The following TRAPPC9 variants were observed in gnomAD, a reference collection of about 807,000 sequenced individuals.
TRAPPC9 encodes trafficking protein particle complex subunit 9.
A neutral mutation model predicts 124.0 loss-of-function variants in TRAPPC9; 83 were observed. The ratio of observed to expected loss-of-function variants is 0.67; its 90% confidence interval spans 0.56 to 0.80. TRAPPC9 has a LOEUF of 0.80. TRAPPC9 is among the 30% of genes least tolerant of loss of function. The probability of loss-of-function intolerance (pLI) is 0.00; values close to 1 mark genes in which losing one functional copy is unlikely to be tolerated. For missense variants in TRAPPC9, 1,302 were observed against 1,508.3 expected (o/e 0.86, Z 2.27); for synonymous variants, 638 against 617.5 (o/e 1.03, Z -0.49).
intron 16 of TRAPPC9, among the ~76,000 whole-genome samples, chr8:140,233,223 G>C (rs77539442): frequency 7.6e-6 from 1 of 131,422 alleles, no homozygotes; most frequent in Admixed American, 7.7e-5. Context: ...TTTTTTTTTT[G>C]AGACGGAGTC....
At chr8:140,344,069 G>C (rs1422903042) in intron 9 of TRAPPC9, among the ~76,000 whole-genome samples, 1 of 152,126 alleles carries the variant, frequency 6.6e-6, no homozygotes, top group Non-Finnish European at 1.5e-5. Context: ...CAAGGTGATG[G>C]GATTAAGAGA....
chr8:140,387,095 G>A (rs1563990392), intron 7 of TRAPPC9, among the ~76,000 whole-genome samples: 1 of 152,132 alleles, frequency 6.6e-6, no homozygotes, highest in Non-Finnish European at 1.5e-5. Flanking sequence ...AAATGGTGCT[G>A]GGAAAACTGG....
chr8:140,301,716 T>C (rs1054945121), intron 10 of TRAPPC9, among the ~76,000 whole-genome samples: 1 of 152,120 alleles, frequency 6.6e-6, no homozygotes, highest in Non-Finnish European at 1.5e-5. Flanking sequence ...CGCAGGAAGG[T>C]GAGGCCACCT....
At chr8:139,834,429 G>A (rs557300108) in intron 21 of TRAPPC9, among the ~76,000 whole-genome samples, 12 of 152,220 alleles carry the variant, frequency 7.9e-5, no homozygotes, top group Non-Finnish European at 1.8e-4. Flanking sequence ...TTCACCACGT[G>A]ACATGCACAA....
intron 7 of TRAPPC9, among the ~76,000 whole-genome samples, chr8:140,390,018 T>C (rs1421717429): frequency 6.6e-6 from 1 of 152,094 alleles, no homozygotes; most frequent in Non-Finnish European, 1.5e-5. Flanking sequence ...ACGATAAAGA[T>C]GAAGGCCAGG....
intron 19 of TRAPPC9, among the ~76,000 whole-genome samples, chr8:139,978,300 T>C (rs1464631732): frequency 1.3e-5 from 2 of 152,198 alleles, no homozygotes; most frequent in Non-Finnish European, 2.9e-5. Flanking sequence ...ACATTAAACA[T>C]GGATTGAGAC....
chr8:139,905,086 G>A (rs1831265414), intron 20 of TRAPPC9, among the ~76,000 whole-genome samples: 1 of 152,212 alleles, frequency 6.6e-6, no homozygotes, highest in African/African-American at 2.4e-5. Flanking sequence ...ACCAAAGGTA[G>A]GTAGGTTTTA....
chr8:139,943,590 T>C (rs1413197497), intron 19 of TRAPPC9, among the ~76,000 whole-genome samples: 1 of 152,198 alleles, frequency 6.6e-6, no homozygotes, highest in Non-Finnish European at 1.5e-5. Flanking sequence ...TTTGAGAGAA[T>C]ACAGACGTTG....
At chr8:140,332,202 G>A (rs892317725) in intron 9 of TRAPPC9, among the ~76,000 whole-genome samples, 6 of 152,092 alleles carry the variant, frequency 3.9e-5, no homozygotes, top group Non-Finnish European at 5.9e-5. Context: ...TGTCCTAAAG[G>A]GCATTATGTT....
chr8:140,386,353 T>C (rs1468441282), intron 7 of TRAPPC9, among the ~76,000 whole-genome samples: 1 of 152,152 alleles, frequency 6.6e-6, no homozygotes, highest in African/African-American at 2.4e-5. Context: ...GGGTATTTAA[T>C]TAGGAAAAGA....
chr8:140,049,681 C>G (rs1287553685), intron 17 of TRAPPC9, among the ~76,000 whole-genome samples: 1 of 152,150 alleles, frequency 6.6e-6, no homozygotes, highest in Non-Finnish European at 1.5e-5. Context: ...GACCCCCTGT[C>G]CAAACACCAA....
At chr8:139,931,875 T>C (rs1316744505) in intron 19 of TRAPPC9, 1 of 173,330 alleles carries the variant, frequency 5.8e-6, no homozygotes, top group Non-Finnish European at 1.2e-5. Context: ...CTCTGATTTA[T>C]TGCTCTATAG....
intron 19 of TRAPPC9, among the ~76,000 whole-genome samples, chr8:139,949,147 A>G (rs180794482): frequency 2.0e-4 from 30 of 152,304 alleles, no homozygotes; most frequent in African/African-American, 7.2e-4. Flanking sequence ...CACAGGAGAA[A>G]AAAAACCAAA....
rs148742331 is a variant in TRAPPC9 at position 139,932,172 on chromosome 8, C to T, written c.2811-21872G>A. The T allele has an allele frequency of 1.6e-3, 636 of 390,348 alleles. 4 individuals are homozygous for T. Among genetic ancestry groups the T allele is most frequent in the African/African-American group, 0.012 (559 of 48,412 alleles). 24.2% of individuals were successfully genotyped at this position (390,348 alleles called of 1,614,324 possible). A position where few individuals can be genotyped will look rare whatever the true frequency, so the allele number is the denominator to read the frequency against. On this transcript the variant is annotated intron_variant, in intron 19 of 22. Coordinates refer to ENST00000438773, the MANE Select transcript of TRAPPC9 (RefSeq NM_001160372.4). ...TTGGTGCTCAGAAGCATTGACCTTA[C>T]AGGGAGGAACAAGGAGAAACCAGCC...
intron 11 of TRAPPC9, among the ~76,000 whole-genome samples, chr8:140,294,257 G>C (rs2065743721): frequency 6.6e-6 from 1 of 152,008 alleles, no homozygotes; most frequent in African/African-American, 2.4e-5. Flanking sequence ...CCTTCAATGG[G>C]AGGGAGCTCA....
intron 17 of TRAPPC9, among the ~76,000 whole-genome samples, chr8:140,183,056 T>C (rs1327952060): frequency 6.6e-6 from 1 of 152,124 alleles, no homozygotes; most frequent in Non-Finnish European, 1.5e-5. Context: ...CTTGAATTTG[T>C]CATATTCTTC....
At chr8:139,832,487 G>A (rs1826058615) in intron 21 of TRAPPC9, among the ~76,000 whole-genome samples, 1 of 152,322 alleles carries the variant, frequency 6.6e-6, no homozygotes, top group African/African-American at 2.4e-5. Flanking sequence ...GGGGGTGGGA[G>A]ACCAGTGGGC....
chr8:139,805,882 G>GT (rs1287308203), intron 21 of TRAPPC9, among the ~76,000 whole-genome samples: 1 of 152,212 alleles, frequency 6.6e-6, no homozygotes, highest in Non-Finnish European at 1.5e-5. Flanking sequence ...ATGCAAGCCT[G>GT]TAAGTGTCTC....
chr8:140,347,389 T>A (rs541101877), intron 9 of TRAPPC9, among the ~76,000 whole-genome samples: 3 of 152,290 alleles, frequency 2.0e-5, no homozygotes, highest in African/African-American at 7.2e-5. Context: ...AGAAATCCTA[T>A]CTATGTGTGC....
Sources: allele counts gnomAD v4.1 joint callset (sites outside exome capture counted in the v4.1 genomes callset), GRCh38; gene constraint gnomAD v4.1.1; transcripts MANE v1.5; gene names NCBI Gene and HGNC (gene_info 2026-07-23, HGNC 2026-07-21).